Variants in SPMAP2L observed in about 807,000 individuals in gnomAD.
SPMAP2L encodes the protein sperm microtubule associated protein 2-like.
At chr4:56,532,861 C>T in the SPMAP2L span, among the ~76,000 whole-genome samples, 1 of 152,228 alleles carries the variant, frequency 6.6e-6, no homozygotes, top group African/African-American at 2.4e-5. Flanking sequence ...TAGGCACCCA[C>T]TATCAAAGCC....
the SPMAP2L span, among the ~76,000 whole-genome samples, chr4:56,563,115 C>T: frequency 2.3e-5 from 2 of 86,136 alleles, no homozygotes; most frequent in Non-Finnish European, 4.2e-5. Flanking sequence ...TTTTTGGAGA[C>T]AGGGCCTCAC....
the SPMAP2L span, among the ~76,000 whole-genome samples, chr4:56,586,603 A>T: frequency 1.8e-4 from 28 of 152,308 alleles, no homozygotes; most frequent in East Asian, 5.4e-3. Flanking sequence ...TGAAAGCTAG[A>T]TAGACTCAGT....
the SPMAP2L span, chr4:56,594,802 C>A: frequency 1.4e-5 from 21 of 1,533,862 alleles, no homozygotes; most frequent in East Asian, 4.3e-4. Flanking sequence ...ACGTGTGTGA[C>A]CTCATCCATC....
chr4:56,584,395 C>A, the SPMAP2L span: 1 of 688,160 alleles, frequency 1.5e-6, no homozygotes, highest in Middle Eastern at 3.1e-4. Flanking sequence ...AAGATAGAAG[C>A]AGTGTATATA....
At chr4:56,599,682 C>G in the SPMAP2L span, among the ~76,000 whole-genome samples, 1 of 152,160 alleles carries the variant, frequency 6.6e-6, no homozygotes, top group Non-Finnish European at 1.5e-5. Context: ...TGTTAGTTTG[C>G]TGAGGATGAT....
chr4:56,564,604 G>A, the SPMAP2L span, among the ~76,000 whole-genome samples: 3 of 152,036 alleles, frequency 2.0e-5, no homozygotes, highest in Admixed American at 2.0e-4. Context: ...TCTGGCTAGA[G>A]ATCTATCAGT....
At chr4:56,575,613 T>C in the SPMAP2L span, 6 of 1,535,486 alleles carry the variant, frequency 3.9e-6, no homozygotes, top group Non-Finnish European at 4.4e-6. Context: ...CACAGCCCAA[T>C]GGATTCAAAA....
the SPMAP2L span, among the ~76,000 whole-genome samples, chr4:56,571,657 G>A: frequency 6.6e-6 from 1 of 151,984 alleles, no homozygotes; most frequent in Non-Finnish European, 1.5e-5. Flanking sequence ...ACCAACCTGG[G>A]CAACATAGTA....
At chr4:56,553,180 C>CTTTTTTTT in the SPMAP2L span, among the ~76,000 whole-genome samples, 1 of 29,990 alleles carries the variant, frequency 3.3e-5, no homozygotes, top group Non-Finnish European at 5.7e-5. Flanking sequence ...TCTCCTATTG[C>CTTTTTTTT]TTTTTTTTTT....
At chr4:56,594,941 G>A in the SPMAP2L span, 2 of 1,612,144 alleles carry the variant, frequency 1.2e-6, no homozygotes, top group Non-Finnish European at 1.7e-6. Flanking sequence ...TCCCCACAGA[G>A]GAGGTGGTCC....
At chr4:56,625,613 G>A in the SPMAP2L span, among the ~76,000 whole-genome samples, 1 of 152,150 alleles carries the variant, frequency 6.6e-6, no homozygotes, top group Admixed American at 6.5e-5. Flanking sequence ...AAGATCTGAT[G>A]GGTTTATCAG....
chr4:56,603,234 G>C, the SPMAP2L span: 1,346 of 1,534,064 alleles, frequency 8.8e-4, 3 homozygotes, highest in Non-Finnish European at 6.9e-4. Flanking sequence ...TGTGTATTAT[G>C]ATCCAGATGT....
chr4:56,594,845 A>G, the SPMAP2L span: 2 of 1,602,386 alleles, frequency 1.2e-6, no homozygotes, highest in Admixed American at 1.7e-5. Flanking sequence ...AGACGGGGCA[A>G]ATATGAACGC....
chr4:56,594,420 C>T, the SPMAP2L span: 6 of 1,597,182 alleles, frequency 3.8e-6, no homozygotes, highest in South Asian at 1.1e-5. Context: ...CTGGACCAAG[C>T]TCAAGGATAT....
At chr4:56,547,635 T>A in the SPMAP2L span, among the ~76,000 whole-genome samples, 1 of 152,200 alleles carries the variant, frequency 6.6e-6, no homozygotes, top group South Asian at 2.1e-4. Context: ...CCCAAGATTG[T>A]ACAGTGGAGT....
the SPMAP2L span, chr4:56,601,025 G>A: frequency 1.3e-5 from 20 of 1,535,336 alleles, no homozygotes; most frequent in East Asian, 3.7e-4. Context: ...CTACCTGACC[G>A]TGATGCCCAT....
the SPMAP2L span, among the ~76,000 whole-genome samples, chr4:56,586,253 C>T: frequency 6.6e-6 from 1 of 152,120 alleles, no homozygotes; most frequent in African/African-American, 2.4e-5. Context: ...GTTCTGAAGC[C>T]TGGGAAGTCC....
the SPMAP2L span, among the ~76,000 whole-genome samples, chr4:56,611,109 AAAG>A: frequency 6.6e-6 from 1 of 152,226 alleles, no homozygotes. Context: ...ACCCAGAGGA[AAAG>A]AAGTCATTAT....
chr4:56,548,991 CTT>C, the SPMAP2L span, among the ~76,000 whole-genome samples: 31 of 139,376 alleles, frequency 2.2e-4, no homozygotes, highest in Admixed American at 2.2e-4. Flanking sequence ...TTCTTTCTTT[CTT>C]TTTTTTTTTT....
Sources: gnomAD v4.1 joint callset for allele counts (sites outside exome capture counted in the v4.1 genomes callset) on GRCh38, gnomAD v4.1.1 for gene constraint, MANE v1.5 for transcripts, NCBI Gene and HGNC (gene_info 2026-07-23, HGNC 2026-07-21) for gene names.